The following ZNF398 variants were observed in gnomAD, a reference collection of about 807,000 sequenced individuals.
The protein encoded by ZNF398 is zinc finger DNA binding protein ZER6.
ZNF398 carries 18 observed loss-of-function variants against 41.9 expected under a neutral mutation model. The ratio of observed to expected loss-of-function variants is 0.43; its 90% confidence interval spans 0.30 to 0.64. ZNF398 has a LOEUF of 0.64. Ranked by LOEUF, ZNF398 falls within the 30% of genes least tolerant of loss-of-function variation. The pLI is 0.14. For missense variants in ZNF398, 669 were observed against 822.8 expected (o/e 0.81, Z 2.29); for synonymous variants, 260 against 308.8 (o/e 0.84, Z 1.66).
At position 149,179,252 on chromosome 7, in the gene ZNF398, C is replaced by T. The variant is rs199853265; in HGVS notation, c.1380C>T (p.Cys460=). ...AAAGGCCCTTCCGCTGTGCCCAGTG[C>T]GGCAGGAGCTTCAGCTTGAAAATCA... The part of the protein sequence containing the change: ...ASERPFRCAQ[C]GRSFSLKISL... The change falls in exon 6 of 6, where the codon TGC becomes TGT. Residue 460 remains cysteine (C), a synonymous_variant. Coordinates refer to ENST00000475153, the MANE Select transcript of ZNF398 (RefSeq NM_170686.3). This position sits in a 1 kb window ranked among gnomAD's most constrained non-coding sequence, Gnocchi z 6.1. 152 of 1,613,050 alleles carry T rather than the reference C, an allele frequency of 9.4e-5. No homozygotes were observed. Among genetic ancestry groups the T allele is most frequent in the Non-Finnish European group, 1.2e-4 (139 of 1,180,008 alleles).
chr7:149,179,632 G>A lies in ZNF398; in HGVS notation c.1760G>A (p.Arg587His), dbSNP rs747841925. 20 of 1,614,046 alleles carry A rather than the reference G, an allele frequency of 1.2e-5. No individual in the cohort carries two copies. Among genetic ancestry groups the A allele is most frequent in the South Asian group, 7.7e-5 (7 of 91,092 alleles). ...AAACAGACACTCAAGGACCACCTCC[G>A]TTCAGGCCACAATGGAGGCTGTGGG... ...RYKQTLKDHL[R>H]SGHNGGCGGD... is the part of the protein sequence containing the mutation. Residue 587 changes from arginine to histidine, a missense_variant, in exon 6 of 6, where the codon CGT becomes CAT. Coordinates refer to ENST00000475153, the MANE Select transcript of ZNF398 (RefSeq NM_170686.3). The surrounding 1 kb of genome is among the most constrained non-coding windows in gnomAD (Gnocchi z 6.1).
chr7:149,166,670 G>T (rs535989134), intron 3 of ZNF398, 147 bp from the exon 4 acceptor site: 9 of 599,582 alleles, frequency 1.5e-5, no homozygotes, highest in East Asian at 1.2e-4. Flanking sequence ...CACAGCTGAA[G>T]ATGGATAGAT....
intron 2 of ZNF398, among the ~76,000 whole-genome samples, chr7:149,138,486 A>G (rs1201018993): frequency 2.0e-5 from 3 of 152,168 alleles, no homozygotes; most frequent in Admixed American, 2.0e-4. Context: ...AAGCTAAGGC[A>G]GGAGAATCGC....
In ZNF398 at chr7:149,178,957, G is replaced by A. The variant is rs752129254; in HGVS notation, c.1085G>A (p.Cys362Tyr). 1.9e-6 allele frequency: 3 copies of A among 1,614,132 alleles called. No homozygotes were observed. The highest frequency in any genetic ancestry group is 2.5e-6 in the Non-Finnish European group (3 of 1,180,032). The change falls in exon 6 of 6, where the codon TGT becomes TAT. Residue 362 changes from cysteine (C) to tyrosine (Y), a missense_variant. Physicochemically the swap from Cys to Tyr is radical, Grantham distance 194. Around this residue, in one of 3 missense-constraint regions of ZNF398, gnomAD observed 290 missense variants for 292.9 expected, o/e 0.99. Transcript: ENST00000475153. Reference sequence around the variant, plus strand: ...CAAGACATGTTGCTGACCCACCAATGTAGCCATGCTACTGAGCACCCCTTA... The same window carrying A: ...CAAGACATGTTGCTGACCCACCAATATAGCCATGCTACTGAGCACCCCTTA... ...LSQDMLLTHQ[C>Y]SHATEHPLPC...
intron 4 of ZNF398, among the ~76,000 whole-genome samples, chr7:149,172,694 A>G (rs1026800002): frequency 2.0e-5 from 3 of 152,216 alleles, no homozygotes; most frequent in African/African-American, 4.8e-5. Context: ...TTGCACCTCA[A>G]ACTGCAAAAG....
chr7:149,154,070 G>A lies in ZNF398; in HGVS notation c.150G>A (p.Val50=), dbSNP rs1318533622. The A allele has an allele frequency of 6.2e-7, 1 of 1,614,058 alleles. No individual in the cohort carries two copies. Among genetic ancestry groups the A allele is most frequent in the African/African-American group, 1.3e-5 (1 of 74,922 alleles). The change falls in exon 2 of 6, where the codon GTG becomes GTA. Residue 50 remains valine, a synonymous_variant. Transcript: ENST00000475153. ...CTCTGTGGACAGTGGTGGCCGCCGTGCAGGCTATAGAGAGGAAGGTGGAGA... is the reference window on the plus strand; with the variant it reads ...CTCTGTGGACAGTGGTGGCCGCCGTACAGGCTATAGAGAGGAAGGTGGAGA... ...AISLWTVVAA[V]QAIERKVEIH...
chr7:149,170,508 G>C (rs1297372413), intron 4 of ZNF398, among the ~76,000 whole-genome samples: 4 of 152,114 alleles, frequency 2.6e-5, no homozygotes, highest in Non-Finnish European at 5.9e-5. Context: ...GGCCAAGGCG[G>C]GTGGATCATG....
At chr7:149,161,938 C>T (rs1795113228) in intron 2 of ZNF398, among the ~76,000 whole-genome samples, 1 of 152,030 alleles carries the variant, frequency 6.6e-6, no homozygotes, top group Non-Finnish European at 1.5e-5. Context: ...ACATACATTT[C>T]TTAAATAGAA....
At chr7:149,153,870 C>T in intron 1 of ZNF398, 75 bp from the exon 2 acceptor site, 1 of 1,504,328 alleles carries the variant, frequency 6.6e-7, no homozygotes. Flanking sequence ...TTAAGCAGTC[C>T]TTATCTGATT....
At chr7:149,133,715 ATATG>A (rs1826652570) in intron 2 of ZNF398, among the ~76,000 whole-genome samples, 4 of 97,248 alleles carry the variant, frequency 4.1e-5, no homozygotes, top group African/African-American at 2.0e-4. Flanking sequence ...ACACACATAT[ATATG>A]TATATATATA....
chr7:149,132,366 G>C (rs182918570), intron 2 of ZNF398, among the ~76,000 whole-genome samples: 1,691 of 151,882 alleles, frequency 0.011, 28 homozygotes, highest in African/African-American at 0.039. Context: ...TGCTAATTTT[G>C]TATTTTTAGT....
At chr7:149,143,333 G>T (rs1826866038), upstream of ZNF398, among the ~76,000 whole-genome samples, 1 of 152,156 alleles carries the variant, frequency 6.6e-6, no homozygotes, top group African/African-American at 2.4e-5. Context: ...ATAACCAATG[G>T]TTGCTTGAAG....
At chr7:149,126,448 C>CG in exon 1 of ZNF398, 1 of 666,992 alleles carries the variant, frequency 1.5e-6, no homozygotes, top group South Asian at 2.2e-5. Flanking sequence ...GGGCACCCTC[C>CG]GTGCGGGCCG....
At chr7:149,140,873 C>G (rs1481004357) in intron 2 of ZNF398, among the ~76,000 whole-genome samples, 1 of 151,984 alleles carries the variant, frequency 6.6e-6, no homozygotes, top group South Asian at 2.1e-4. Flanking sequence ...GACCTTCTCT[C>G]TACCAAAAAT....
intron 2 of ZNF398, among the ~76,000 whole-genome samples, chr7:149,138,125 C>T (rs866458401): frequency 1.4e-4 from 21 of 150,430 alleles, no homozygotes; most frequent in East Asian, 2.0e-4. Flanking sequence ...AGCTTGAACC[C>T]GGGAGGCAGA....
At chr7:149,171,242 ATATACT>A (rs1434072688) in intron 4 of ZNF398, among the ~76,000 whole-genome samples, 6 of 151,668 alleles carry the variant, frequency 4.0e-5, no homozygotes, top group Non-Finnish European at 7.4e-5. Flanking sequence ...TAATATAGTA[ATATACT>A]TTTATTATTT....
intron 1 of ZNF398, among the ~76,000 whole-genome samples, chr7:149,128,305 C>T (rs1826527171): frequency 6.6e-6 from 1 of 152,140 alleles, no homozygotes; most frequent in Non-Finnish European, 1.5e-5. Context: ...CAGCGATTTT[C>T]TGATTGGCAA....
At chr7:149,141,165 T>A (rs1826815630) in intron 2 of ZNF398, among the ~76,000 whole-genome samples, 1 of 152,038 alleles carries the variant, frequency 6.6e-6, no homozygotes, top group Non-Finnish European at 1.5e-5. Flanking sequence ...ACAACACATA[T>A]ATGATAAATC....
intron 2 of ZNF398, among the ~76,000 whole-genome samples, chr7:149,154,881 C>A (rs537590398): frequency 6.6e-6 from 1 of 150,992 alleles, no homozygotes; most frequent in Admixed American, 6.6e-5. Flanking sequence ...CCTAGCCACT[C>A]GGGAGGCTGA....
Sources: gnomAD v4.1 joint callset for allele counts (sites outside exome capture counted in the v4.1 genomes callset) on GRCh38, gnomAD v4.1.1 for gene constraint, gnomAD v4.1.1 regional missense constraint, Gnocchi (gnomAD v3.1) non-coding constraint, MANE v1.5 for transcripts, NCBI Gene and HGNC (gene_info 2026-07-23, HGNC 2026-07-21) for gene names.